The following SNTB2 variants were observed in gnomAD, a reference collection of about 807,000 sequenced individuals.
The protein encoded by SNTB2 is syntrophin beta 2, also known as beta-2-syntrophin.
SNTB2 carries 34 observed loss-of-function variants against 46.2 expected under a neutral mutation model. The observed-to-expected ratio is 0.74, with a 90% confidence interval of 0.56 to 0.98. The LOEUF is 0.98. Among genes scored for constraint, SNTB2 ranks in the 50% least tolerant of loss-of-function variants. SNTB2 has a pLI of 0.00. For synonymous variants in SNTB2, 290 were observed against 312.6 expected (o/e 0.93, Z 0.76); for missense variants, 603 against 731.4 (o/e 0.82, Z 2.02).
intron 1 of SNTB2, among the ~76,000 whole-genome samples, chr16:69,223,593 C>T (rs1184592340): frequency 2.0e-5 from 3 of 152,012 alleles, no homozygotes; most frequent in African/African-American, 7.2e-5. Context: ...CATTACACTT[C>T]GTTGTCATGT....
chr16:69,265,999 C>A (rs547048376), intron 3 of SNTB2, among the ~76,000 whole-genome samples: 9 of 152,120 alleles, frequency 5.9e-5, no homozygotes, highest in Non-Finnish European at 1.2e-4. Flanking sequence ...TATGCTGATA[C>A]CATAACCAAA....
chr16:69,286,989 A>C (rs918998083), intron 5 of SNTB2, among the ~76,000 whole-genome samples: 7 of 152,196 alleles, frequency 4.6e-5, no homozygotes, highest in Admixed American at 6.5e-5. Flanking sequence ...TTAAAAGATG[A>C]GTATCTAGCA....
chr16:69,282,462 C>T (rs896760028), intron 4 of SNTB2, among the ~76,000 whole-genome samples: 4 of 152,102 alleles, frequency 2.6e-5, no homozygotes, highest in Non-Finnish European at 4.4e-5. Flanking sequence ...GTTCTTTTGC[C>T]AGTTCCACAC....
chr16:69,194,636 A>G (rs758745829), intron 1 of SNTB2, among the ~76,000 whole-genome samples: 4 of 152,194 alleles, frequency 2.6e-5, no homozygotes, highest in Non-Finnish European at 5.9e-5. Flanking sequence ...AGCCAAAAAT[A>G]CTGGGCCTTA....
intron 1 of SNTB2, among the ~76,000 whole-genome samples, chr16:69,242,759 A>C (rs539487629): frequency 6.6e-6 from 1 of 152,170 alleles, no homozygotes; most frequent in South Asian, 2.1e-4. Context: ...TAGTGGCTCA[A>C]GCCTGTTATC....
In SNTB2 at chr16:69,187,175, AGCTGCGGCG is replaced by A; in HGVS notation, c.10_18del (p.Ala4_Ala6del). On this transcript the variant is annotated inframe_deletion, in exon 1 of 7. Coordinates refer to ENST00000336278, the MANE Select transcript of SNTB2 (RefSeq NM_006750.4). ...GAGGCTGCCTGACTGGAATGAGGGT[AGCTGCGGCG>A]ACTGCGGCGGCTGGAGCGGGGCCGG... 2 of 1,371,738 alleles carry A rather than the reference AGCTGCGGCG, an allele frequency of 1.5e-6. No individual in the cohort carries two copies. Among genetic ancestry groups the A allele is most frequent in the Non-Finnish European group, 9.4e-7 (1 of 1,059,844 alleles). The allele number at this position is 1,371,738 out of a possible 1,614,324, so 85.0% of individuals were successfully genotyped here.
intron 1 of SNTB2, among the ~76,000 whole-genome samples, chr16:69,211,308 T>A (rs1964283806): frequency 6.6e-6 from 1 of 152,206 alleles, no homozygotes; most frequent in South Asian, 2.1e-4. Flanking sequence ...TATTTAAGGT[T>A]GTTTTATTAA....
At chr16:69,228,866 T>G (rs1361184807) in intron 1 of SNTB2, among the ~76,000 whole-genome samples, 1 of 152,162 alleles carries the variant, frequency 6.6e-6, no homozygotes, top group Non-Finnish European at 1.5e-5. Context: ...AAACTGAGGC[T>G]CAGAGGTAAT....
intron 1 of SNTB2, among the ~76,000 whole-genome samples, chr16:69,190,698 A>G (rs1964040794): frequency 6.6e-6 from 1 of 152,192 alleles, no homozygotes; most frequent in South Asian, 2.1e-4. Context: ...ACAGAAGTGC[A>G]AGACATTAAA....
chr16:69,194,300 G>A (rs1157003054), intron 1 of SNTB2, among the ~76,000 whole-genome samples: 1 of 152,074 alleles, frequency 6.6e-6, no homozygotes, highest in African/African-American at 2.4e-5. Flanking sequence ...ATACCTTTTT[G>A]AATAGCACTT....
At chr16:69,248,631 CAAATA>C (rs534168979) in intron 2 of SNTB2, among the ~76,000 whole-genome samples, 3 of 151,918 alleles carry the variant, frequency 2.0e-5, no homozygotes, top group African/African-American at 4.8e-5. Context: ...GACTCTGTCT[CAAATA>C]AAATAAAATA....
At chr16:69,225,061 T>G (rs1964446108) in intron 1 of SNTB2, among the ~76,000 whole-genome samples, 1 of 152,234 alleles carries the variant, frequency 6.6e-6, no homozygotes. Context: ...CTTTTCTCTT[T>G]CCCTGAACTC....
chr16:69,224,686 A>G (rs1482411250), intron 1 of SNTB2, among the ~76,000 whole-genome samples: 1 of 152,188 alleles, frequency 6.6e-6, no homozygotes, highest in Non-Finnish European at 1.5e-5. Context: ...TACTAATGAG[A>G]ATTCTTCTGT....
At chr16:69,215,851 G>A (rs928507746) in intron 1 of SNTB2, among the ~76,000 whole-genome samples, 6 of 152,168 alleles carry the variant, frequency 3.9e-5, no homozygotes, top group African/African-American at 1.4e-4. Context: ...CACCCAGGCT[G>A]GAGTGCAGTG....
rs79405195 is a variant in SNTB2 at position 69,197,866 on chromosome 16, G to T, written c.580+10120G>T. Reference sequence around the variant, plus strand: ...CACTAGTAGTGTAGATAATTTTTTTGAGTACTATGGATTCTGTATTGTCTC... The same window carrying T: ...CACTAGTAGTGTAGATAATTTTTTTTAGTACTATGGATTCTGTATTGTCTC... On this transcript the variant is annotated intron_variant, in intron 1 of 6. Transcript: ENST00000336278. Among the ~76,000 whole-genome samples, 702 of 151,918 alleles carry T rather than the reference G, an allele frequency of 4.6e-3. 31 individuals carry two copies. In the South Asian group the frequency reaches 0.091, roughly 20 times the overall value.
chr16:69,213,082 G>T (rs1258043344), intron 1 of SNTB2, among the ~76,000 whole-genome samples: 1 of 152,020 alleles, frequency 6.6e-6, no homozygotes, highest in Non-Finnish European at 1.5e-5. Flanking sequence ...GAGTGACAGT[G>T]GCAAGTCTTT....
At chr16:69,197,590 T>G (rs1405752615) in intron 1 of SNTB2, among the ~76,000 whole-genome samples, 1 of 152,268 alleles carries the variant, frequency 6.6e-6, no homozygotes, top group Non-Finnish European at 1.5e-5. Context: ...AACTTTTTTG[T>G]TACTGCTTTT....
intron 2 of SNTB2, among the ~76,000 whole-genome samples, chr16:69,250,696 C>T (rs947724686): frequency 1.3e-5 from 2 of 151,756 alleles, no homozygotes; most frequent in South Asian, 2.1e-4. Context: ...TGGGAGTTTG[C>T]GACCCTGTCT....
chr16:69,217,355 T>C (rs1224196092), intron 1 of SNTB2, among the ~76,000 whole-genome samples: 2 of 152,002 alleles, frequency 1.3e-5, no homozygotes, highest in African/African-American at 4.8e-5. Flanking sequence ...GCACCTGTAA[T>C]CCCAGGTACT....
Sources: gnomAD v4.1 joint callset for allele counts (sites outside exome capture counted in the v4.1 genomes callset) on GRCh38, gnomAD v4.1.1 for gene constraint, MANE v1.5 for transcripts, NCBI Gene and HGNC (gene_info 2026-07-23, HGNC 2026-07-21) for gene names.